The following ELF1 variants were observed in gnomAD, a reference collection of about 807,000 sequenced individuals.
ELF1 encodes E74 like ETS transcription factor 1, also known as ETS-related transcription factor Elf-1.
In ELF1, 24 loss-of-function variants were observed where a neutral mutation model predicts 59.9. The ratio of observed to expected loss-of-function variants is 0.40; its 90% confidence interval spans 0.29 to 0.56. The LOEUF is 0.56. ELF1 is among the 20% of genes least tolerant of loss of function. The pLI, the probability that ELF1 is intolerant of heterozygous loss-of-function variation, is 0.44. For synonymous variants in ELF1, 248 were observed against 266.2 expected (o/e 0.93, Z 0.67); for missense variants, 627 against 742.2 (o/e 0.84, Z 1.80).
At chr13:41,022,035 A>C (rs949872135), upstream of ELF1, among the ~76,000 whole-genome samples, 2 of 152,260 alleles carry the variant, frequency 1.3e-5, no homozygotes, top group African/African-American at 4.8e-5. Flanking sequence ...CACATGATCC[A>C]GTAATCCCAT....
chr13:40,976,514 TA>T (rs1342648442), intron 2 of ELF1, among the ~76,000 whole-genome samples: 1 of 152,206 alleles, frequency 6.6e-6, no homozygotes, highest in Non-Finnish European at 1.5e-5. Context: ...GCAGCTTGTA[TA>T]AAAGACAGCA....
At chr13:40,998,464 G>C (rs903448469) in intron 1 of ELF1, among the ~76,000 whole-genome samples, 7 of 152,170 alleles carry the variant, frequency 4.6e-5, no homozygotes, top group African/African-American at 1.7e-4. Flanking sequence ...ATCTAGGTTT[G>C]TGTAGGTACA....
intron 1 of ELF1, among the ~76,000 whole-genome samples, chr13:40,983,144 G>A (rs1873375459): frequency 6.6e-6 from 1 of 152,020 alleles, no homozygotes; most frequent in Non-Finnish European, 1.5e-5. Context: ...AATTCTTTAG[G>A]TGTTTATCAC....
At chr13:41,026,968 G>A (rs975532845) in intron 1 of ELF1, among the ~76,000 whole-genome samples, 3 of 152,074 alleles carry the variant, frequency 2.0e-5, no homozygotes, top group Non-Finnish European at 4.4e-5. Flanking sequence ...CACGACATGC[G>A]AGCACCACCC....
In ELF1 at chr13:41,034,259, G is replaced by C. The variant is rs1485136773; in HGVS notation, c.-229+26579C>G. On this transcript the variant is annotated intron_variant, in intron 1 of 1. Transcript: ENST00000405737. ...GTGCAGTGTGGTATATCTTGGACTA[G>C]ATCCTGGAACAGAAAAAGGACATTA... Among the ~76,000 whole-genome samples, 3 of 152,140 alleles carry C rather than the reference G, an allele frequency of 2.0e-5. No homozygotes were observed. In the East Asian group the frequency reaches 5.8e-4, roughly 29 times the overall value.
chr13:41,048,315 T>C (rs1876946450), intron 1 of ELF1, among the ~76,000 whole-genome samples: 1 of 152,224 alleles, frequency 6.6e-6, no homozygotes, highest in Non-Finnish European at 1.5e-5. Flanking sequence ...CCCAGTGAGA[T>C]GAACCCGGTA....
At chr13:41,000,410 C>A (rs867683661) in intron 1 of ELF1, among the ~76,000 whole-genome samples, 2 of 151,910 alleles carry the variant, frequency 1.3e-5, no homozygotes, top group East Asian at 3.9e-4. Context: ...TTAGCAGAGA[C>A]GGGGTTTCGC....
intron 1 of ELF1, among the ~76,000 whole-genome samples, chr13:41,029,828 A>G (rs1286203188): frequency 2.6e-5 from 4 of 152,176 alleles, no homozygotes; most frequent in African/African-American, 7.2e-5. Context: ...CAGCAACTGG[A>G]AAGACTGCAG....
chr13:41,015,376 A>C (rs1279082926), intron 1 of ELF1, among the ~76,000 whole-genome samples: 3 of 152,138 alleles, frequency 2.0e-5, no homozygotes, highest in Non-Finnish European at 4.4e-5. Context: ...TGGGATGGGA[A>C]AGGAGCCCAA....
intron 1 of ELF1, among the ~76,000 whole-genome samples, chr13:40,987,557 C>A (rs1389136077): frequency 7.1e-6 from 1 of 141,370 alleles, no homozygotes; most frequent in Non-Finnish European, 1.5e-5. Context: ...TATACTCTAG[C>A]CTGGGCAACA....
chr13:41,035,615 T>C (rs141576960), intron 1 of ELF1, among the ~76,000 whole-genome samples: 10 of 151,276 alleles, frequency 6.6e-5, no homozygotes, highest in African/African-American at 1.9e-4. Flanking sequence ...AAAGAGAGAA[T>C]AGCTTCTGGA....
chr13:41,055,916 T>C (rs1400237715), intron 1 of ELF1, among the ~76,000 whole-genome samples: 1 of 152,138 alleles, frequency 6.6e-6, no homozygotes, highest in African/African-American at 2.4e-5. Context: ...GCTATTATTT[T>C]AAAACAGGTA....
chr13:41,008,515 C>T (rs1348505412), intron 1 of ELF1, among the ~76,000 whole-genome samples: 1 of 151,710 alleles, frequency 6.6e-6, no homozygotes, highest in Admixed American at 6.6e-5. Context: ...GATACTATGT[C>T]AACATTTGCA....
upstream of ELF1, chr13:41,019,451 T>C (rs1327885881): frequency 1.0e-6 from 1 of 971,826 alleles, no homozygotes; most frequent in Non-Finnish European, 1.2e-6. Context: ...AAAAACGGTA[T>C]AGGAAAGTGG....
intron 1 of ELF1, among the ~76,000 whole-genome samples, chr13:41,002,500 G>A (rs1046279613): frequency 1.3e-5 from 2 of 151,470 alleles, no homozygotes; most frequent in Non-Finnish European, 2.9e-5. Context: ...AATTAGATGG[G>A]CATGGTGGCA....
chr13:40,959,712 T>G (rs1313533350), intron 2 of ELF1, among the ~76,000 whole-genome samples: 1 of 152,064 alleles, frequency 6.6e-6, no homozygotes, highest in African/African-American at 2.4e-5. Context: ...TTAACCCTCA[T>G]TTTCTATTAT....
intron 3 of ELF1, 118 bp downstream of exon 3, chr13:40,958,718 T>C: frequency 7.4e-7 from 1 of 1,343,632 alleles, no homozygotes; most frequent in South Asian, 2.1e-5. Flanking sequence ...CTGTAGTTTC[T>C]GAAGGTAATA....
intron 2 of ELF1, among the ~76,000 whole-genome samples, chr13:40,962,530 C>G (rs749350207): frequency 4.6e-5 from 7 of 151,476 alleles, no homozygotes; most frequent in South Asian, 2.1e-4. Flanking sequence ...TAAAAAAATA[C>G]AAAAAATGAG....
chr13:40,991,708 T>C (rs1873862445), intron 1 of ELF1, among the ~76,000 whole-genome samples: 1 of 152,210 alleles, frequency 6.6e-6, no homozygotes, highest in Admixed American at 6.5e-5. Context: ...AACTCATTTA[T>C]ATATTTAGCA....
Sources: gnomAD v4.1 joint callset for allele counts (sites outside exome capture counted in the v4.1 genomes callset) on GRCh38, gnomAD v4.1.1 for gene constraint, MANE v1.5 for transcripts, NCBI Gene and HGNC (gene_info 2026-07-23, HGNC 2026-07-21) for gene names.